DCUN1D4: variants seen among roughly 807,000 people sequenced by gnomAD.
DCUN1D4 encodes the protein defective in cullin neddylation 1 domain containing 4.
In DCUN1D4, 22 loss-of-function variants were observed where a neutral mutation model predicts 47.9. That is an observed-to-expected ratio of 0.46 (90% CI 0.33 to 0.66). The LOEUF (loss-of-function observed/expected upper bound fraction) is 0.66. Ranked by LOEUF, DCUN1D4 falls within the 30% of genes least tolerant of loss-of-function variation. The pLI is 0.02. For missense variants in DCUN1D4, 301 were observed against 340.8 expected (o/e 0.88, Z 0.92); for synonymous variants, 121 against 112.2 (o/e 1.08, Z -0.50).
chr4:51,877,671 A>T, intron 4 of DCUN1D4, 92 bp from the exon 5 acceptor site: 1 of 757,696 alleles, frequency 1.3e-6, no homozygotes, highest in Non-Finnish European at 2.2e-6. Flanking sequence ...GATTGAATAG[A>T]TGTCTGGTTT....
intron 8 of DCUN1D4, among the ~76,000 whole-genome samples, chr4:51,900,304 C>T (rs1731907106): frequency 6.6e-6 from 1 of 152,108 alleles, no homozygotes; most frequent in African/African-American, 2.4e-5. Flanking sequence ...GTGGTGCCCT[C>T]ATTCATGCAT....
intron 2 of DCUN1D4, 54 bp downstream of exon 2, chr4:51,863,561 T>G: frequency 6.3e-7 from 1 of 1,579,364 alleles, no homozygotes; most frequent in Non-Finnish European, 8.7e-7. Flanking sequence ...AGTCATTTTG[T>G]ATAAGTGTAT....
intron 3 of DCUN1D4, among the ~76,000 whole-genome samples, chr4:51,868,635 CAG>C (rs1437433922): frequency 2.0e-5 from 3 of 152,152 alleles, no homozygotes; most frequent in Non-Finnish European, 2.9e-5. Flanking sequence ...CTTGGCCTAA[CAG>C]TAGTCTGGGC....
intron 6 of DCUN1D4, among the ~76,000 whole-genome samples, chr4:51,889,368 C>A (rs1730065977): frequency 6.6e-6 from 1 of 152,216 alleles, no homozygotes; most frequent in Admixed American, 6.5e-5. Flanking sequence ...AAAACCCTCA[C>A]TTTGCCTGAT....
intron 8 of DCUN1D4, among the ~76,000 whole-genome samples, chr4:51,908,452 G>A (rs1733225922): frequency 1.3e-5 from 2 of 152,064 alleles, no homozygotes; most frequent in South Asian, 4.1e-4. Flanking sequence ...TCTGACCTTG[G>A]GATCCAGGAA....
At chr4:51,879,829 C>T (rs1419557290) in intron 5 of DCUN1D4, among the ~76,000 whole-genome samples, 2 of 152,098 alleles carry the variant, frequency 1.3e-5, no homozygotes, top group Non-Finnish European at 2.9e-5. Context: ...TTTTTGGTAC[C>T]TTCCTTTATA....
intron 1 of DCUN1D4, among the ~76,000 whole-genome samples, chr4:51,860,024 G>A (rs1363251823): frequency 2.0e-5 from 3 of 152,132 alleles, no homozygotes. Context: ...TAGATTTCAA[G>A]GGCTATTACT....
intron 6 of DCUN1D4, chr4:51,887,066 A>T: frequency 2.2e-6 from 1 of 452,022 alleles, no homozygotes; most frequent in Non-Finnish European, 4.4e-6. Flanking sequence ...AATTTTTCAT[A>T]GATCGTTTAC....
intron 5 of DCUN1D4, among the ~76,000 whole-genome samples, chr4:51,879,370 G>A (rs189835308): frequency 2.0e-5 from 3 of 152,188 alleles, no homozygotes; most frequent in Non-Finnish European, 4.4e-5. Context: ...ACTTTGGGAG[G>A]CCAGGGCAGG....
chr4:51,837,948 C>A, the DCUN1D4 span, among the ~76,000 whole-genome samples: 24 of 152,172 alleles, frequency 1.6e-4, 1 homozygote, highest in Middle Eastern at 0.014. Context: ...AGGCTTGAGG[C>A]GGGCAGATCA....
upstream of DCUN1D4, among the ~76,000 whole-genome samples, chr4:51,839,033 C>T (rs1721564841): frequency 1.3e-5 from 2 of 151,944 alleles, no homozygotes; most frequent in South Asian, 4.2e-4. Context: ...GGAGATCCCA[C>T]CACTGCACTC....
At chr4:51,862,368 GT>G (rs1229229062) in intron 1 of DCUN1D4, among the ~76,000 whole-genome samples, 1 of 152,236 alleles carries the variant, frequency 6.6e-6, no homozygotes, top group Non-Finnish European at 1.5e-5. Context: ...AGGCCAGCTT[GT>G]TTTCAGGGTT....
chr4:51,857,058 T>C (rs1344806842), intron 1 of DCUN1D4, among the ~76,000 whole-genome samples: 1 of 152,204 alleles, frequency 6.6e-6, no homozygotes, highest in East Asian at 1.9e-4. Flanking sequence ...TATTGTGAGA[T>C]GCACAAAATC....
chr4:51,873,517 A>C (rs1444492225), intron 3 of DCUN1D4, among the ~76,000 whole-genome samples: 1 of 152,224 alleles, frequency 6.6e-6, no homozygotes, highest in Non-Finnish European at 1.5e-5. Flanking sequence ...TCTTATCTGC[A>C]TAAGGCAATA....
At chr4:51,903,959 A>T (rs6554058) in intron 8 of DCUN1D4, among the ~76,000 whole-genome samples, 66,174 of 151,672 alleles carry the variant, frequency 0.44, 17,839 homozygotes, top group African/African-American at 0.76. Context: ...TCATCTGTTA[A>T]TTCTGTGTCT....
At chr4:51,900,140 T>G (rs1731877001) in intron 8 of DCUN1D4, among the ~76,000 whole-genome samples, 2 of 152,050 alleles carry the variant, frequency 1.3e-5, no homozygotes, top group African/African-American at 4.8e-5. Flanking sequence ...TTTAAATTAT[T>G]TTTTTTTAAG....
At chr4:51,849,350 T>C (rs1450151561) in intron 1 of DCUN1D4, among the ~76,000 whole-genome samples, 3 of 152,258 alleles carry the variant, frequency 2.0e-5, no homozygotes, top group East Asian at 3.9e-4. Context: ...CCCTTAGGCA[T>C]TGTTATGGCC....
intron 5 of DCUN1D4, 41 bp downstream of exon 5, chr4:51,877,895 CA>C: frequency 1.8e-5 from 23 of 1,294,640 alleles, no homozygotes; most frequent in Non-Finnish European, 2.4e-5. Flanking sequence ...ATCCTTATGA[CA>C]ATAAGGAGTA....
At chr4:51,873,190 G>T (rs1393411731) in intron 3 of DCUN1D4, among the ~76,000 whole-genome samples, 2 of 152,146 alleles carry the variant, frequency 1.3e-5, no homozygotes, top group Non-Finnish European at 2.9e-5. Flanking sequence ...TCAACCAAGG[G>T]CTTGTGCAAG....
Sources: gnomAD v4.1 joint callset for allele counts (sites outside exome capture counted in the v4.1 genomes callset) on GRCh38, gnomAD v4.1.1 for gene constraint, MANE v1.5 for transcripts, NCBI Gene and HGNC (gene_info 2026-07-23, HGNC 2026-07-21) for gene names.